Variants in AMZ1 observed in about 807,000 individuals in gnomAD.
AMZ1 encodes the protein archaelysin family metallopeptidase 1.
Under a neutral mutation model 29.9 loss-of-function variants are expected in AMZ1, and 39 were observed. That is an observed-to-expected ratio of 1.30 (90% CI 1.01 to 1.70). The LOEUF (loss-of-function observed/expected upper bound fraction) is 1.70. Among genes scored for constraint, AMZ1 ranks in the 40% most tolerant of loss-of-function variants. The pLI, the probability that AMZ1 is intolerant of heterozygous loss-of-function variation, is 0.00. For synonymous variants in AMZ1, 458 were observed against 304.0 expected, an observed-to-expected ratio of 1.51 and a Z score of -5.27; for missense variants, 1,041 against 680.6, an observed-to-expected ratio of 1.53 and a Z score of -5.89.
rs1347802814 is a variant in AMZ1, at chr7:2,719,540, C to T, written c.*6662C>T. 6.6e-6 allele frequency among the ~76,000 whole-genome samples: 1 copy of T among 152,206 alleles called. No homozygotes were observed. The highest frequency in any genetic ancestry group is 1.5e-5 in the Non-Finnish European group (1 of 68,048). The stretch of plus-strand genomic sequence containing the variant: ...CACAGTTATTTTTAAAAATCCAGTC[C>T]AAGTGGAAATACACCTGGAACATTT... On this transcript the variant is annotated 3_prime_UTR_variant, in exon 7 of 7. Coordinates refer to ENST00000683327, the MANE Select transcript of AMZ1 (RefSeq NM_001384743.1).
upstream of AMZ1, chr7:2,762,430 G>C (rs1791605050): frequency 1.0e-5 from 5 of 495,718 alleles, no homozygotes; most frequent in East Asian, 1.4e-4. Context: ...ACTTGGCCAA[G>C]GGCAAAAACG....
chr7:2,725,140 C>T (rs151145068), intron 4 of AMZ1, among the ~76,000 whole-genome samples: 3 of 152,360 alleles, frequency 2.0e-5, no homozygotes, highest in Non-Finnish European at 4.4e-5. Flanking sequence ...ATGGGAAATT[C>T]AAACACTGAG....
chr7:2,723,641 A>C (rs1373778159), downstream of AMZ1, among the ~76,000 whole-genome samples: 1 of 151,902 alleles, frequency 6.6e-6, no homozygotes, highest in Admixed American at 6.6e-5. Flanking sequence ...GGCGCTCCCC[A>C]AGCTCTCGGG....
downstream of AMZ1, among the ~76,000 whole-genome samples, chr7:2,720,193 A>T (rs907515376): frequency 6.6e-6 from 1 of 151,876 alleles, no homozygotes; most frequent in Non-Finnish European, 1.5e-5. Flanking sequence ...TCCTCTGCTG[A>T]CATGGACCGG....
rs558685244 is a variant in AMZ1 at position 2,709,781 on chromosome 7, C to T, written c.913C>T (p.His305Tyr). 2.5e-6 allele frequency: 4 copies of T among 1,612,096 alleles called. No individual in the cohort carries two copies. The highest frequency in any genetic ancestry group is 3.3e-5 in the Admixed American group (2 of 59,990). ...TCCCATCTGCCTGAGGAAGCTGCAG[C>T]ATGTCCTGGGTTTCAGGCTCATCGA... is the stretch of plus-strand genomic sequence containing the variant. ...LCPICLRKLQ[H>Y]VLGFRLIERY... Residue 305 changes from histidine (H) to tyrosine (Y), a missense_variant, in exon 6 of 7, where the codon CAT (histidine) becomes TAT (tyrosine). Physicochemically the swap from His to Tyr is moderately conservative, Grantham distance 83. Coordinates refer to ENST00000683327, the MANE Select transcript of AMZ1 (RefSeq NM_001384743.1).
At chr7:2,741,433 G>C (rs916283637) in intron 4 of AMZ1, among the ~76,000 whole-genome samples, 1 of 152,196 alleles carries the variant, frequency 6.6e-6, no homozygotes, top group Non-Finnish European at 1.5e-5. Flanking sequence ...TTCCACCACA[G>C]AATCTCTAAA....
At chr7:2,754,538 CTCGAAA>C (rs1421039200) in intron 4 of AMZ1, among the ~76,000 whole-genome samples, 1 of 151,306 alleles carries the variant, frequency 6.6e-6, no homozygotes, top group Non-Finnish European at 1.5e-5. Flanking sequence ...AGCTTAGGGG[CTCGAAA>C]CCAACCTGGG....
At chr7:2,709,268 T>G in intron 5 of AMZ1, 24 bp downstream of exon 5, 1 of 1,482,166 alleles carries the variant, frequency 6.7e-7, no homozygotes, top group Non-Finnish European at 8.9e-7. Context: ...CTGGGGCTGG[T>G]AAGAGGGGAC....
chr7:2,679,896 T>A (rs1183130562), intron 1 of AMZ1, among the ~76,000 whole-genome samples: 1 of 152,170 alleles, frequency 6.6e-6, no homozygotes, highest in Non-Finnish European at 1.5e-5. Context: ...TGGGGCTTCA[T>A]CCGAGTTGAG....
rs4719644 is a variant in AMZ1 at position 2,714,627 on chromosome 7, G to A, written c.*1749G>A. The stretch of plus-strand genomic sequence containing the variant: ...GCTGCAAACAACCACCCAAAACTTA[G>A]TGGCTTAAAATCACCACAGTCTAGC... On this transcript the variant is annotated 3_prime_UTR_variant, in exon 7 of 7. Coordinates refer to ENST00000683327, the MANE Select transcript of AMZ1 (RefSeq NM_001384743.1). 0.14 allele frequency: 20,683 copies of A among 152,188 alleles called. 1,440 individuals are homozygous for A. The highest frequency in any genetic ancestry group is 0.16 in the South Asian group (781 of 4,818). 9.4% of individuals were successfully genotyped at this position (152,188 alleles called of 1,614,324 possible).
chr7:2,702,610 G>T (rs1788114255), intron 2 of AMZ1, 112 bp from the exon 3 acceptor site: 3 of 1,251,646 alleles, frequency 2.4e-6, no homozygotes, highest in East Asian at 5.3e-5. Context: ...GTCAGGGTAG[G>T]TCCACATTGG....
At chr7:2,759,282 T>G (rs1791449308) in intron 4 of AMZ1, among the ~76,000 whole-genome samples, 1 of 152,210 alleles carries the variant, frequency 6.6e-6, no homozygotes, top group South Asian at 2.1e-4. Context: ...TACATGAAGT[T>G]AAAACACAGG....
At chr7:2,741,907 T>C (rs986365680) in intron 4 of AMZ1, among the ~76,000 whole-genome samples, 15 of 151,606 alleles carry the variant, frequency 9.9e-5, no homozygotes, top group African/African-American at 3.6e-4. Flanking sequence ...ATCTAATATA[T>C]ACAGATACAG....
chr7:2,697,392 C>A (rs780595154), intron 1 of AMZ1, among the ~76,000 whole-genome samples: 8 of 152,054 alleles, frequency 5.3e-5, no homozygotes, highest in African/African-American at 1.7e-4. Flanking sequence ...CTGCTGCGCC[C>A]GGCTCTATTT....
At chr7:2,743,581 C>T (rs1007787188) in intron 4 of AMZ1, among the ~76,000 whole-genome samples, 1 of 152,190 alleles carries the variant, frequency 6.6e-6, no homozygotes, top group African/African-American at 2.4e-5. Context: ...CGAATAGGAA[C>T]AGCTCCGGTC....
Position 2,731,784 on chromosome 7 carries a change from G to A in AMZ1, n.550+21968G>A, listed in dbSNP as rs879159666. 1 of 1,121,216 alleles carries A rather than the reference G, an allele frequency of 8.9e-7. No homozygotes were observed. The highest frequency in any genetic ancestry group is 1.2e-6 in the Non-Finnish European group (1 of 805,842). The allele number at this position is 1,121,216 out of a possible 1,614,324, so 69.5% of individuals were successfully genotyped here. A position where few individuals can be genotyped will look rare whatever the true frequency, so the allele number is the denominator to read the frequency against. Reference sequence around the variant, plus strand: ...TACAGGATGAGGCAGAAATTTAGGGGGAGGAAGAAAGAACAGAGAAAATAG... The same window carrying A: ...TACAGGATGAGGCAGAAATTTAGGGAGAGGAAGAAAGAACAGAGAAAATAG... On this transcript the variant is annotated intron_variant and non_coding_transcript_variant, in intron 4 of 4. Coordinates refer to the AMZ1 transcript ENST00000489665. The surrounding 1 kb of genome is among the most constrained non-coding windows in gnomAD (Gnocchi z 6.0).
chr7:2,757,129 C>CTTT lies in AMZ1; in HGVS notation n.551-7561_551-7559dup, dbSNP rs71026549. ...GCAGGCCCGATCTAATCAGGTGGGC[C>CTTT]TTTTTTTTTTTTTTTTTTTTTTTTG... is the stretch of plus-strand genomic sequence containing the variant. On this transcript the variant is annotated intron_variant and non_coding_transcript_variant, in intron 4 of 4. Transcript: ENST00000489665. Among the ~76,000 whole-genome samples the CTTT allele has an allele frequency of 4.2e-3, 394 of 93,954 alleles. 5 individuals are homozygous for CTTT. The highest frequency in any genetic ancestry group is 0.015 in the African/African-American group (345 of 22,980). 61.6% of individuals were successfully genotyped at this position (93,954 alleles called of 152,430 possible).
intron 4 of AMZ1, among the ~76,000 whole-genome samples, chr7:2,738,355 G>A (rs1426026134): frequency 6.6e-6 from 1 of 152,142 alleles, no homozygotes; most frequent in African/African-American, 2.4e-5. Context: ...AGCTGTCACT[G>A]CAGGAAACGT....
At chr7:2,709,041 C>T (rs766303750) in intron 4 of AMZ1, 34 bp from the exon 5 acceptor site, 89 of 1,534,906 alleles carry the variant, frequency 5.8e-5, no homozygotes, top group South Asian at 2.2e-4. Context: ...CAAGGCTGAC[C>T]CCTGAGAGTG....
Sources: allele counts gnomAD v4.1 joint callset (sites outside exome capture counted in the v4.1 genomes callset), GRCh38; gene constraint gnomAD v4.1.1; non-coding constraint Gnocchi (gnomAD v3.1); transcripts MANE v1.5; gene names NCBI Gene and HGNC (gene_info 2026-07-23, HGNC 2026-07-21).